SCFD1: variants seen among roughly 807,000 people sequenced by gnomAD.
SCFD1 encodes sec1 family domain-containing protein 1.
A neutral mutation model predicts 103.2 loss-of-function variants in SCFD1; 37 were observed. The observed-to-expected ratio is 0.36, with a 90% CI of 0.28 to 0.47. The LOEUF (loss-of-function observed/expected upper bound fraction) is 0.47, where lower values mean the gene tolerates loss of function less well. Ranked by LOEUF, SCFD1 falls within the 20% of genes least tolerant of loss-of-function variation. The pLI is 1.00. For missense variants in SCFD1, 639 were observed against 761.2 expected (o/e 0.84, Z 1.89); for synonymous variants, 264 against 245.0 (o/e 1.08, Z -0.73).
intron 17 of SCFD1, among the ~76,000 whole-genome samples, chr14:30,703,946 T>TG (rs1891273471): frequency 3.4e-5 from 2 of 59,684 alleles, no homozygotes; most frequent in African/African-American, 3.4e-4. Context: ...TATATATATA[T>TG]ATATATATAT....
intron 10 of SCFD1, among the ~76,000 whole-genome samples, chr14:30,664,091 C>G (rs1887690148): frequency 6.6e-6 from 1 of 152,108 alleles, no homozygotes; most frequent in Non-Finnish European, 1.5e-5. Flanking sequence ...ATCCCTGACC[C>G]CTGTGTAGGC....
intron 18 of SCFD1, among the ~76,000 whole-genome samples, chr14:30,707,284 A>G (rs1324456652): frequency 6.6e-6 from 1 of 152,254 alleles, no homozygotes; most frequent in Admixed American, 6.5e-5. Context: ...TCTGTCCCAC[A>G]AAACATCTTT....
At position 30,638,874 on chromosome 14, in the gene SCFD1, C is replaced by T. The variant is rs73251163; in HGVS notation, c.435+627C>T. On this transcript the variant is annotated intron_variant, in intron 5 of 24. Transcript: ENST00000458591. ...ACAAGATATGCATTAAAGTTCCAGA[C>T]AACTATCTAGGACAAATAAAAGACT... Among the ~76,000 whole-genome samples the T allele has an allele frequency of 8.9e-3, 1,356 of 152,268 alleles. 23 individuals carry two copies. Among genetic ancestry groups the T allele is most frequent in the African/African-American group, 0.03 (1,261 of 41,550 alleles).
intron 14 of SCFD1, among the ~76,000 whole-genome samples, chr14:30,676,987 T>G (rs1383528082): frequency 1.3e-5 from 2 of 152,210 alleles, no homozygotes; most frequent in Non-Finnish European, 2.9e-5. Context: ...CTGTCTGAGA[T>G]AGTTTAATAT....
chr14:30,626,508 T>C (rs1883467413), intron 1 of SCFD1, among the ~76,000 whole-genome samples: 1 of 152,142 alleles, frequency 6.6e-6, no homozygotes, highest in African/African-American at 2.4e-5. Context: ...GCCCCGAGTT[T>C]TGGGTTGAAT....
chr14:30,720,444 C>G (rs755132082), intron 21 of SCFD1, among the ~76,000 whole-genome samples: 1 of 152,116 alleles, frequency 6.6e-6, no homozygotes, highest in African/African-American at 2.4e-5. Context: ...ATTAATGATT[C>G]TCCAGCTTAC....
chr14:30,684,441 A>G (rs1428228539), intron 14 of SCFD1, among the ~76,000 whole-genome samples: 2 of 152,212 alleles, frequency 1.3e-5, no homozygotes, highest in African/African-American at 2.4e-5. Flanking sequence ...CACAATCTGT[A>G]TATGTATGTA....
At chr14:30,680,961 G>A (rs577263082) in intron 14 of SCFD1, among the ~76,000 whole-genome samples, 16 of 152,084 alleles carry the variant, frequency 1.1e-4, no homozygotes, top group African/African-American at 3.6e-4. Flanking sequence ...AGCTGGGCGC[G>A]GTGGCTCACA....
intron 4 of SCFD1, among the ~76,000 whole-genome samples, chr14:30,634,496 T>G (rs1346666903): frequency 6.6e-6 from 1 of 152,140 alleles, no homozygotes; most frequent in African/African-American, 2.4e-5. Context: ...AAAAAACATA[T>G]ACGGTTCAGT....
chr14:30,622,319 A>G lies in SCFD1; in HGVS notation c.-20A>G, dbSNP rs778185901. 1 of 1,589,300 alleles carries G rather than the reference A, an allele frequency of 6.3e-7. No homozygotes were observed. The highest frequency in any genetic ancestry group is 1.1e-5 in the South Asian group (1 of 87,756). On this transcript the variant is annotated 5_prime_UTR_variant, in exon 1 of 25. Coordinates refer to ENST00000458591, the MANE Select transcript of SCFD1 (RefSeq NM_016106.4). ...CCCCCGCTCCGCTCCCCAGCCGGGC[A>G]GTGGCTCGTGGGAGCCAAGATGGCG...
At chr14:30,682,140 TG>T (rs1408420430) in intron 14 of SCFD1, among the ~76,000 whole-genome samples, 2 of 152,236 alleles carry the variant, frequency 1.3e-5, no homozygotes, top group African/African-American at 2.4e-5. Context: ...TCAATGTTTT[TG>T]GTTGAGAGAA....
Position 30,735,835 on chromosome 14 carries a change from A to G in SCFD1, c.*226A>G, listed in dbSNP as rs1185172608. On this transcript the variant is annotated 3_prime_UTR_variant, in exon 25 of 25. Coordinates refer to ENST00000458591, the MANE Select transcript of SCFD1 (RefSeq NM_016106.4). ...GTTCATTTTCTCTGATAAATCAGAA[A>G]GTACTAATATAATAACTAATAGGTT... 1.2e-5 allele frequency: 5 copies of G among 427,716 alleles called. No individual in the cohort carries two copies. The highest frequency in any genetic ancestry group is 1.7e-5 in the Non-Finnish European group (4 of 240,016). The allele number at this position is 427,716 out of a possible 1,614,324, so 26.5% of individuals were successfully genotyped here.
intron 18 of SCFD1, among the ~76,000 whole-genome samples, chr14:30,707,392 A>G (rs1891542752): frequency 6.6e-6 from 1 of 152,214 alleles, no homozygotes; most frequent in Admixed American, 6.5e-5. Context: ...TGTAGACAAC[A>G]TTCTCAGAGT....
chr14:30,734,692 A>C, intron 23 of SCFD1, 98 bp from the exon 24 acceptor site: 1 of 932,004 alleles, frequency 1.1e-6, no homozygotes, highest in Non-Finnish European at 1.7e-6. Context: ...AAAGACTGTT[A>C]AGAATAACAA....
chr14:30,650,816 A>G (rs1208326171), intron 9 of SCFD1, among the ~76,000 whole-genome samples, 166 bp downstream of exon 9: 1 of 152,160 alleles, frequency 6.6e-6, no homozygotes, highest in African/African-American at 2.4e-5. Context: ...TACAAGTGGA[A>G]TATTTTATTC....
chr14:30,629,255 C>A (rs191080033), intron 2 of SCFD1, among the ~76,000 whole-genome samples: 1 of 152,106 alleles, frequency 6.6e-6, no homozygotes. Flanking sequence ...AAAGATGCAA[C>A]GTGAACCTTT....
intron 15 of SCFD1, among the ~76,000 whole-genome samples, chr14:30,697,529 G>A (rs78071502): frequency 0.019 from 2,958 of 152,302 alleles, 53 homozygotes; most frequent in Middle Eastern, 0.034. Context: ...GGAGAAGCCT[G>A]ATAAATACCT....
intron 14 of SCFD1, among the ~76,000 whole-genome samples, chr14:30,684,757 A>G (rs1737578048): frequency 7.0e-6 from 1 of 142,814 alleles, no homozygotes; most frequent in African/African-American, 2.6e-5. Context: ...TACTTTTTAA[A>G]ATATATTTAA....
intron 23 of SCFD1, among the ~76,000 whole-genome samples, chr14:30,726,453 T>C (rs765491524): frequency 3.4e-4 from 51 of 152,238 alleles, no homozygotes; most frequent in Non-Finnish European, 6.8e-4. Flanking sequence ...TCACCAATGA[T>C]ACCATTTGCA....
Sources: allele counts gnomAD v4.1 joint callset (sites outside exome capture counted in the v4.1 genomes callset), GRCh38; gene constraint gnomAD v4.1.1; transcripts MANE v1.5; gene names NCBI Gene and HGNC (gene_info 2026-07-23, HGNC 2026-07-21).